Variants in ANKS3 observed in about 807,000 individuals in gnomAD.
The protein encoded by ANKS3 is ankyrin repeat and sterile alpha motif domain containing 3.
Under a neutral mutation model 80.7 loss-of-function variants are expected in ANKS3, and 62 were observed. The ratio of observed to expected loss-of-function variants is 0.77; its 90% CI spans 0.63 to 0.95. ANKS3 has a LOEUF of 0.95. Among genes scored for constraint, ANKS3 ranks in the 40% least tolerant of loss-of-function variants. ANKS3 has a pLI of 0.00. For synonymous variants in ANKS3, 489 were observed against 355.3 expected (o/e 1.38, Z -4.23); for missense variants, 1,150 against 883.6 (o/e 1.30, Z -3.82).
In ANKS3 at chr16:4,716,127, G is replaced by C. The variant is rs182213806; in HGVS notation, c.574-1941C>G. 2.6e-3 allele frequency among the ~76,000 whole-genome samples: 401 copies of C among 152,016 alleles called. 3 individuals are homozygous for C. The highest frequency in any genetic ancestry group is 9.1e-3 in the African/African-American group (377 of 41,446). On this transcript the variant is annotated intron_variant, in intron 6 of 17. Coordinates refer to ENST00000304283, the MANE Select transcript of ANKS3 (RefSeq NM_133450.4). ...AATCCCAGCACTTTGGGAGGCCGAG[G>C]TGGACGGAGCACAAGGTCAGGAGTT...
At chr16:4,721,961 A>C (rs1239157372) in intron 6 of ANKS3, among the ~76,000 whole-genome samples, 1 of 151,268 alleles carries the variant, frequency 6.6e-6, no homozygotes, top group African/African-American at 2.4e-5. Flanking sequence ...CCAATATAGA[A>C]AAATCTTCAT....
Position 4,733,487 on chromosome 16 carries a change from T to C in ANKS3, c.-71+451A>G, listed in dbSNP as rs376585115. ...TCGTATGTTTAGTAGAGACGAAGTG[T>C]CCCCATGTTGGCCAGGCTGGTCTCA... On this transcript the variant is annotated intron_variant, in intron 1 of 17. Transcript: ENST00000304283. Among the ~76,000 whole-genome samples, 40 of 152,066 alleles carry C rather than the reference T, an allele frequency of 2.6e-4. No homozygotes were observed. In the Middle Eastern group the frequency reaches 0.01, roughly 39 times the overall value.
intron 6 of ANKS3, among the ~76,000 whole-genome samples, chr16:4,724,010 C>T (rs965691108): frequency 2.6e-5 from 4 of 152,100 alleles, no homozygotes; most frequent in East Asian, 3.8e-4. Context: ...CAGTGAGCCA[C>T]GATCTCGCCA....
intron 6 of ANKS3, among the ~76,000 whole-genome samples, chr16:4,715,161 G>A (rs185161851): frequency 2.0e-3 from 310 of 152,106 alleles, no homozygotes; most frequent in Middle Eastern, 3.4e-3. Flanking sequence ...AAGGATCATG[G>A]CCAAGTGAGG....
At chr16:4,698,245 A>G in intron 14 of ANKS3, 182 bp downstream of exon 14, 1 of 1,136,424 alleles carries the variant, frequency 8.8e-7, no homozygotes, top group African/African-American at 1.6e-5. Context: ...AGATTCCCGG[A>G]CCCAACTCCT....
chr16:4,698,851 G>A lies in ANKS3; in HGVS notation c.1500C>T (p.Tyr500=), dbSNP rs777950766. The A allele has an allele frequency of 4.4e-6, 7 of 1,606,636 alleles. No individual in the cohort carries two copies. The African/African-American group carries it at 5.3e-5, about 12-fold the overall frequency. Residue 500 remains tyrosine (Y), a synonymous_variant, in exon 13 of 18, where the codon TAC becomes TAT. Transcript: ENST00000304283. ...GCATCTCAGCCTCCAGCCGGTCGGC[G>A]TAGGCCAGCTCCAGGGCATCCCCGG... is the stretch of plus-strand genomic sequence containing the variant. The part of the protein sequence containing the change: ...RPPGDALELA[Y]ADRLEAEMQE...
chr16:4,720,182 G>T (rs1032405534), intron 6 of ANKS3, among the ~76,000 whole-genome samples: 7 of 111,750 alleles, frequency 6.3e-5, no homozygotes, highest in African/African-American at 2.7e-4. Context: ...AAAAAAAAAA[G>T]GCCAGGCACG....
At chr16:4,701,996 TG>T in intron 9 of ANKS3, 105 bp downstream of exon 9, 1 of 1,364,162 alleles carries the variant, frequency 7.3e-7, no homozygotes, top group Non-Finnish European at 9.7e-7. Context: ...TGTCCTCTGC[TG>T]GATGGCTGTG....
At chr16:4,696,929 G>A in intron 17 of ANKS3, 33 bp from the exon 18 acceptor site, 2 of 1,199,234 alleles carry the variant, frequency 1.7e-6, no homozygotes, top group South Asian at 1.3e-5. Context: ...GAAGGGAGGG[G>A]GACAGGTGGG....
chr16:4,730,106 T>A lies in ANKS3; in HGVS notation c.44A>T (p.Asn15Ile). 1 of 1,592,502 alleles carries A rather than the reference T, an allele frequency of 6.3e-7. No homozygotes were observed. Among genetic ancestry groups the A allele is most frequent in the South Asian group, 1.1e-5 (1 of 88,658 alleles). The change falls in exon 3 of 18, where the codon AAC (asparagine) becomes ATC (isoleucine). Residue 15 changes from asparagine to isoleucine, a missense_variant. Asn to Ile is a moderately radical substitution (Grantham distance 149, BLOSUM62 -3). Transcript: ENST00000304283. ...SDEASEPELL[N>I]RSLSMWHGLG... The stretch of plus-strand genomic sequence containing the variant: ...CCCGTGCCACATGGACAAGCTGCGG[T>A]TCAGGAGTTCCGGCTCGCTGGCTTC...
chr16:4,698,106 C>A, intron 14 of ANKS3, 44 bp from the exon 15 acceptor site: 3 of 1,546,154 alleles, frequency 1.9e-6, no homozygotes, highest in Non-Finnish European at 2.6e-6. Flanking sequence ...AGAGGCCTGG[C>A]CGCTGCAGAG....
Position 4,700,978 on chromosome 16 carries a change from C to G in ANKS3, c.1276G>C (p.Gly426Arg). The change falls in exon 11 of 18, where the codon GGA (glycine) becomes CGA (arginine). Residue 426 changes from glycine to arginine, a missense_variant. By Grantham distance (125) the Gly-to-Arg change is moderately radical (BLOSUM62 -2). Coordinates refer to ENST00000304283, the MANE Select transcript of ANKS3 (RefSeq NM_133450.4). Reference sequence around the variant, plus strand: ...TTCACAAGCGGTCTTACCTGGGGTCCTGAGTAGGGGGCCCTCTGAGTCTGG... The same window carrying G: ...TTCACAAGCGGTCTTACCTGGGGTCGTGAGTAGGGGGCCCTCTGAGTCTGG... ...SPQTQRAPYSGPQDLAALLEQ... is the reference protein window; with the variant it reads ...SPQTQRAPYSRPQDLAALLEQ... 6.2e-7 allele frequency: 1 copy of G among 1,613,980 alleles called. No individual in the cohort carries two copies. The highest frequency in any genetic ancestry group is 8.5e-7 in the Non-Finnish European group (1 of 1,180,002).
rs774050414 is a variant in ANKS3, at chr16:4,702,093, T to C, written c.1009+9A>G. On this transcript the variant is annotated intron_variant, in intron 9 of 17. Transcript: ENST00000304283. The stretch of plus-strand genomic sequence containing the variant: ...GAGCCACGGGCCGGATGGGTGGGGG[T>C]GCACGTACCCCGACTGCTGCTGCTG... 2.1e-5 allele frequency: 33 copies of C among 1,572,774 alleles called. No homozygotes were observed. The highest frequency in any genetic ancestry group is 2.8e-5 in the Non-Finnish European group (33 of 1,164,660).
At position 4,701,025 on chromosome 16, in the gene ANKS3, C is replaced by G. The variant is rs141742096; in HGVS notation, c.1229G>C (p.Gly410Ala). 8 of 1,614,062 alleles carry G rather than the reference C, an allele frequency of 5.0e-6. No individual in the cohort carries two copies. Among genetic ancestry groups the G allele is most frequent in the Non-Finnish European group, 6.8e-6 (8 of 1,180,000 alleles). ...WPPRAATDRE[G>A]FLAESSPQTQ... ...CTGGGGGCTGGACTCAGCGAGAAAG[C>G]CTTCCCTGTCAGTTGCAGCGCGGGG... Residue 410 changes from glycine (G) to alanine (A), a missense_variant, in exon 11 of 18, where the codon GGC (glycine) becomes GCC (alanine). Transcript: ENST00000304283.
At chr16:4,704,705 G>T (rs904394118) in intron 8 of ANKS3, among the ~76,000 whole-genome samples, 1 of 152,176 alleles carries the variant, frequency 6.6e-6, no homozygotes, top group Non-Finnish European at 1.5e-5. Flanking sequence ...CCCCAGCAGC[G>T]CACCCGACCC....
chr16:4,716,275 C>T (rs1385757232), intron 6 of ANKS3, among the ~76,000 whole-genome samples: 19 of 149,994 alleles, frequency 1.3e-4, no homozygotes, highest in Non-Finnish European at 2.5e-4. Flanking sequence ...GCAGGAGAAT[C>T]GCTTGAACCC....
In ANKS3 at chr16:4,701,415, A is replaced by AG; in HGVS notation, c.1119+18dup. On this transcript the variant is annotated intron_variant, in intron 10 of 17. Transcript: ENST00000304283. The stretch of plus-strand genomic sequence containing the variant: ...GCCAGGGACCGGCTATGGGAGACCA[A>AG]GAAAGAAAGAATCCGTACCTCGTTG... 1 of 1,578,408 alleles carries AG rather than the reference A, an allele frequency of 6.3e-7. No individual in the cohort carries two copies. Among genetic ancestry groups the AG allele is most frequent in the Non-Finnish European group, 8.6e-7 (1 of 1,159,404 alleles).
At chr16:4,731,826 G>C (rs1419376729) in intron 1 of ANKS3, among the ~76,000 whole-genome samples, 2 of 152,062 alleles carry the variant, frequency 1.3e-5, no homozygotes, top group African/African-American at 4.8e-5. Flanking sequence ...TCCCCGAGAT[G>C]GGCCTACATG....
At chr16:4,727,517 C>T in intron 3 of ANKS3, 1 of 371,116 alleles carries the variant, frequency 2.7e-6, no homozygotes, top group Non-Finnish European at 5.1e-6. Context: ...CACAACTGGG[C>T]AGGGAAGGGC....
Sources: allele counts gnomAD v4.1 joint callset (sites outside exome capture counted in the v4.1 genomes callset), GRCh38; gene constraint gnomAD v4.1.1; transcripts MANE v1.5; gene names NCBI Gene and HGNC (gene_info 2026-07-23, HGNC 2026-07-21).